Variants in RGS4 observed in about 807,000 individuals in gnomAD.
RGS4 encodes the protein regulator of G protein signaling 4, also known as schizophrenia disorder 9.
In RGS4, 15 loss-of-function variants were observed where a neutral mutation model predicts 21.6. That is an observed-to-expected ratio of 0.69 (90% CI 0.46 to 1.07). The LOEUF is 1.07. RGS4 is among the 50% of genes least tolerant of loss of function. The pLI is 0.00. For missense variants in RGS4, 237 were observed against 239.0 expected, an observed-to-expected ratio of 0.99 and a Z score of 0.06; for synonymous variants, 94 against 85.5, an observed-to-expected ratio of 1.10 and a Z score of -0.55.
rs1655297103 is a variant in RGS4 at position 163,071,463 on chromosome 1, TAA to T, written c.45-928_45-927del. 3.9e-5 allele frequency among the ~76,000 whole-genome samples: 6 copies of T among 152,176 alleles called. No homozygotes were observed. The South Asian group carries it at 1.2e-3, about 32-fold the overall frequency. On this transcript the variant is annotated intron_variant, in intron 1 of 4. Coordinates refer to ENST00000367909, the MANE Select transcript of RGS4 (RefSeq NM_005613.6). ...TTAAACTATTTCTTGACTTTTTTAA[TAA>T]AAAGAGATGCAAGCAAGAGGATATT...
intron 4 of RGS4, chr1:163,074,057 C>T (rs1283387589): frequency 2.0e-6 from 1 of 507,376 alleles, no homozygotes; most frequent in African/African-American, 1.9e-5. Flanking sequence ...TTACCATAAC[C>T]TCCCTGCATG....
chr1:163,071,855 G>GCCGCC (rs1557859054), intron 1 of RGS4: 1 of 1,814 alleles, frequency 5.5e-4, no homozygotes, highest in Admixed American at 5.6e-3. Context: ...GGAACTGCTT[G>GCCGCC]CCCCCCCCCC....
intron 1 of RGS4, chr1:163,072,007 T>C: frequency 1.0e-6 from 1 of 990,740 alleles, no homozygotes; most frequent in Non-Finnish European, 1.2e-6. Context: ...GTGCATCTTT[T>C]GCCGCTACTG....
intron 4 of RGS4, 82 bp from the exon 5 acceptor site, chr1:163,074,239 C>G: frequency 1.9e-6 from 3 of 1,572,398 alleles, no homozygotes; most frequent in Non-Finnish European, 2.6e-6. Flanking sequence ...TGCACTGCCA[C>G]TTACAAGTCA....
chr1:163,072,300 A>G, intron 1 of RGS4, 95 bp from the exon 2 acceptor site: 1 of 1,002,818 alleles, frequency 1.0e-6, no homozygotes, highest in South Asian at 1.6e-5. Context: ...TCTCTGAGCC[A>G]TAGACTAGTA....
At chr1:163,074,300 G>A (rs1655423728) in intron 4 of RGS4, 21 bp from the exon 5 acceptor site, 1 of 1,613,176 alleles carries the variant, frequency 6.2e-7, no homozygotes, top group African/African-American at 1.3e-5. Flanking sequence ...GTCTAATGAA[G>A]CCTTGGCCTT....
chr1:163,070,968 C>T (rs997377002), intron 1 of RGS4, among the ~76,000 whole-genome samples: 8 of 152,116 alleles, frequency 5.3e-5, no homozygotes, highest in African/African-American at 1.9e-4. Flanking sequence ...TTCCTGACTC[C>T]AGTAACTTCT....
At chr1:163,068,876 G>A (rs1655204736), upstream of RGS4, 14 of 1,168,884 alleles carry the variant, frequency 1.2e-5, no homozygotes, top group Non-Finnish European at 1.8e-5. Flanking sequence ...AAATCACTGC[G>A]TGGAGACGAT....
Position 163,075,314 on chromosome 1 carries a change from A to G in RGS4, c.*754A>G, listed in dbSNP as rs943441992. ...AAGTTGGTTTTGTAAAATTCCATGG[A>G]TCTTGCTGGAGAAGCATCCAAGGAA... On this transcript the variant is annotated 3_prime_UTR_variant, in exon 5 of 5. Transcript: ENST00000367909. The G allele has an allele frequency of 4.6e-5, 7 of 152,522 alleles. No individual in the cohort carries two copies. The highest frequency in any genetic ancestry group is 1.9e-4 in the East Asian group (1 of 5,178). The allele number at this position is 152,522 out of a possible 1,614,324, so 9.4% of individuals were successfully genotyped here.
chr1:163,073,978 G>A (rs1446746150), intron 4 of RGS4: 4 of 375,850 alleles, frequency 1.1e-5, no homozygotes, highest in Admixed American at 8.6e-5. Flanking sequence ...GAATAGTGGA[G>A]CTGACTATCA....
chr1:163,069,807 A>G (rs1269172454), intron 1 of RGS4, among the ~76,000 whole-genome samples: 1 of 152,148 alleles, frequency 6.6e-6, no homozygotes, highest in Non-Finnish European at 1.5e-5. Flanking sequence ...TTAAGAAGCG[A>G]GATGAGGTTT....
intron 4 of RGS4, 156 bp from the exon 5 acceptor site, chr1:163,074,165 C>G (rs1655419577): frequency 1.2e-6 from 1 of 825,510 alleles, no homozygotes; most frequent in South Asian, 1.7e-5. Context: ...CTTTCATACT[C>G]TCTCACATGT....
At chr1:163,074,118 C>A (rs1471561008) in intron 4 of RGS4, 2 of 618,660 alleles carry the variant, frequency 3.2e-6, no homozygotes, top group Non-Finnish European at 5.6e-6. Flanking sequence ...GAAGATCTTG[C>A]CCTGCTCTCT....
At chr1:163,069,201 G>A (rs1230298257), upstream of RGS4, 16 of 1,518,406 alleles carry the variant, frequency 1.1e-5, no homozygotes, top group East Asian at 3.0e-4. Flanking sequence ...TTCTCTGCTC[G>A]TTCACTTAAC....
intron 1 of RGS4, among the ~76,000 whole-genome samples, chr1:163,071,039 A>G (rs1655282082): frequency 6.6e-6 from 1 of 152,072 alleles, no homozygotes; most frequent in Non-Finnish European, 1.5e-5. Flanking sequence ...AAGCACACTT[A>G]CCCCCTGCAT....
In RGS4 at chr1:163,075,011, T is replaced by C; in HGVS notation, c.*451T>C. On this transcript the variant is annotated 3_prime_UTR_variant, in exon 5 of 5. Transcript: ENST00000367909. ...TGATATGTGCTTGTGTGTATGTCTATGTGTATATATTATATATACATTAGA... is the reference window on the plus strand; with the variant it reads ...TGATATGTGCTTGTGTGTATGTCTACGTGTATATATTATATATACATTAGA... 2.9e-6 allele frequency: 1 copy of C among 346,616 alleles called. No individual in the cohort carries two copies. The highest frequency in any genetic ancestry group is 5.3e-6 in the Non-Finnish European group (1 of 187,040). 21.5% of individuals were successfully genotyped at this position (346,616 alleles called of 1,614,324 possible). A position where few individuals can be genotyped will look rare whatever the true frequency, so the allele number is the denominator to read the frequency against.
intron 4 of RGS4, 36 bp downstream of exon 4, chr1:163,073,658 T>A: frequency 7.0e-7 from 1 of 1,421,042 alleles, no homozygotes; most frequent in Non-Finnish European, 9.6e-7. Flanking sequence ...ATTGTACGTA[T>A]TTATGGAGTA....
At chr1:163,072,701 C>T (rs564295863) in intron 2 of RGS4, 104 bp from the exon 3 acceptor site, 94 of 1,041,744 alleles carry the variant, frequency 9.0e-5, no homozygotes, top group African/African-American at 7.7e-4. Context: ...TTTGTCATAA[C>T]GATGGAAAAT....
chr1:163,069,091 C>G (rs1422462504), upstream of RGS4: 3 of 1,522,378 alleles, frequency 2.0e-6, no homozygotes, highest in East Asian at 7.4e-5. Flanking sequence ...TATTTTGCAG[C>G]ATTGTACACT....
Sources: gnomAD v4.1 joint callset for allele counts (sites outside exome capture counted in the v4.1 genomes callset) on GRCh38, gnomAD v4.1.1 for gene constraint, MANE v1.5 for transcripts, NCBI Gene and HGNC (gene_info 2026-07-23, HGNC 2026-07-21) for gene names.